COX6C: variants seen among roughly 807,000 people sequenced by gnomAD.
COX6C encodes cytochrome c oxidase polypeptide VIc.
COX6C carries 3 observed loss-of-function variants against 6.9 expected under a neutral mutation model. The ratio of observed to expected loss-of-function variants is 0.43; its 90% CI spans 0.20 to 1.12. COX6C has a LOEUF of 1.12. Among genes scored for constraint, COX6C ranks in the 50% most tolerant of loss-of-function variants. COX6C has a pLI of 0.27. For synonymous variants in COX6C, 32 were observed against 32.0 expected (o/e 1.00, Z 0.00); for missense variants, 101 against 97.3 (o/e 1.04, Z -0.16).
chr8:99,881,916 T>TA (rs1433387292), intron 3 of COX6C, among the ~76,000 whole-genome samples: 3 of 152,166 alleles, frequency 2.0e-5, no homozygotes, highest in Admixed American at 2.0e-4. Flanking sequence ...GTCCCACACA[T>TA]ACAGCAACCA....
chr8:99,890,515 C>T (rs184743238), intron 2 of COX6C, among the ~76,000 whole-genome samples: 3 of 152,332 alleles, frequency 2.0e-5, no homozygotes, highest in Non-Finnish European at 2.9e-5. Flanking sequence ...ATTTTATACA[C>T]TGCCTCTTAT....
chr8:99,890,191 G>A (rs1402554110), intron 2 of COX6C, among the ~76,000 whole-genome samples: 4 of 152,052 alleles, frequency 2.6e-5, no homozygotes, highest in Non-Finnish European at 4.4e-5. Flanking sequence ...TTGAACTCGT[G>A]AGCTCAAGCA....
At chr8:99,889,529 G>A (rs1033878727) in intron 2 of COX6C, among the ~76,000 whole-genome samples, 4 of 151,888 alleles carry the variant, frequency 2.6e-5, no homozygotes, top group Admixed American at 6.6e-5. Context: ...GGGATTACAG[G>A]TGCCCGACAC....
At chr8:99,879,742 G>C (rs1817829442) in intron 3 of COX6C, among the ~76,000 whole-genome samples, 1 of 152,156 alleles carries the variant, frequency 6.6e-6, no homozygotes, top group South Asian at 2.1e-4. Flanking sequence ...ATAAGGTAAA[G>C]AATGAAACTG....
At chr8:99,889,289 C>T (rs1434461974) in intron 2 of COX6C, among the ~76,000 whole-genome samples, 1 of 149,610 alleles carries the variant, frequency 6.7e-6, no homozygotes, top group Non-Finnish European at 1.5e-5. Context: ...TCTCCCAGTT[C>T]TCCCTAACTT....
chr8:99,880,718 T>C (rs181039266), intron 3 of COX6C, among the ~76,000 whole-genome samples: 10 of 151,534 alleles, frequency 6.6e-5, no homozygotes, highest in African/African-American at 2.4e-4. Context: ...TTAAATTAAA[T>C]TTTAAAAGTC....
chr8:99,885,543 A>G (rs1241789950), intron 3 of COX6C, among the ~76,000 whole-genome samples: 4 of 152,234 alleles, frequency 2.6e-5, no homozygotes, highest in African/African-American at 9.7e-5. Flanking sequence ...CAAGGTACCA[A>G]GACCACTCCA....
chr8:99,893,133 T>G (rs1818081646), intron 1 of COX6C: 2 of 152,254 alleles, frequency 1.3e-5, no homozygotes, highest in Admixed American at 1.3e-4. Context: ...CTTCCCCTCC[T>G]GCGGCAGGTA....
chr8:99,881,685 G>C (rs149097802), intron 3 of COX6C, among the ~76,000 whole-genome samples: 1 of 152,240 alleles, frequency 6.6e-6, no homozygotes, highest in African/African-American at 2.4e-5. Context: ...AAAGAGTGAG[G>C]AAAGAAATGA....
rs549144959 is a variant in COX6C, at chr8:99,883,307, G to A, written c.*15+4183C>T. On this transcript the variant is annotated intron_variant, in intron 3 of 3. Transcript: ENST00000520468. ...ATAGCTTATGCAGCCTTAAACTCCT[G>A]TGCTCAAGTGAACCTCCTGCCTCAG... 1.7e-3 allele frequency among the ~76,000 whole-genome samples: 258 copies of A among 152,036 alleles called. 1 individual carries two copies. The highest frequency in any genetic ancestry group is 5.5e-3 in the Admixed American group (84 of 15,250).
chr8:99,879,592 G>A (rs1563525941), intron 3 of COX6C, among the ~76,000 whole-genome samples: 1 of 152,156 alleles, frequency 6.6e-6, no homozygotes, highest in African/African-American at 2.4e-5. Context: ...CAGTTGAGCA[G>A]CAACCAAAGG....
intron 3 of COX6C, among the ~76,000 whole-genome samples, chr8:99,886,875 G>A (rs1050276424): frequency 2.0e-5 from 3 of 152,120 alleles, no homozygotes; most frequent in Non-Finnish European, 4.4e-5. Flanking sequence ...ATGGATATAG[G>A]GTTTCAATTC....
intron 3 of COX6C, among the ~76,000 whole-genome samples, chr8:99,880,921 G>A (rs1485980565): frequency 6.6e-6 from 1 of 152,070 alleles, no homozygotes; most frequent in Non-Finnish European, 1.5e-5. Context: ...AGATAAAAAA[G>A]TCAAAGGAGT....
intron 1 of COX6C, among the ~76,000 whole-genome samples, chr8:99,892,731 C>T (rs191329838): frequency 6.4e-4 from 97 of 151,664 alleles, no homozygotes; most frequent in African/African-American, 2.3e-3. Context: ...CGACAAACTG[C>T]GGCACACTAG....
chr8:99,892,424 G>T (rs113450604), intron 1 of COX6C, among the ~76,000 whole-genome samples: 5,369 of 152,176 alleles, frequency 0.035, 113 homozygotes, highest in Non-Finnish European at 0.041. Context: ...ATAAGATTTG[G>T]GTTGAGACAT....
rs188695505 is a variant in COX6C, at chr8:99,881,696, G to A, written c.*16-3431C>T. Among the ~76,000 whole-genome samples, 258 of 152,270 alleles carry A rather than the reference G, an allele frequency of 1.7e-3. 2 individuals are homozygous for A. The highest frequency in any genetic ancestry group is 2.2e-3 in the Non-Finnish European group (149 of 68,004). On this transcript the variant is annotated intron_variant, in intron 3 of 3. Coordinates refer to ENST00000520468, the MANE Select transcript of COX6C (RefSeq NM_004374.4). ...AATAAAAGAGTGAGGAAAGAAATGAGGGACAAAGAAGCTGTAAGACACATA... is the reference window on the plus strand; with the variant it reads ...AATAAAAGAGTGAGGAAAGAAATGAAGGACAAAGAAGCTGTAAGACACATA...
In COX6C at chr8:99,887,638, TAG is replaced by T. The variant is rs754839083; in HGVS notation, c.115-22_115-21del. 4 of 1,508,130 alleles carry T rather than the reference TAG, an allele frequency of 2.7e-6. No individual in the cohort carries two copies. The highest frequency in any genetic ancestry group is 1.4e-5 in the African/African-American group (1 of 70,300). The allele number at this position is 1,508,130 out of a possible 1,614,324, so 93.4% of individuals were successfully genotyped here. A position where few individuals can be genotyped will look rare whatever the true frequency, so the allele number is the denominator to read the frequency against. ...ACGAAACTAAAAAGCAACCATCCAT[TAG>T]AGTTTATTTTTCAGATTACTGGAAA... On this transcript the variant is annotated intron_variant, in intron 2 of 3. Coordinates refer to ENST00000520468, the MANE Select transcript of COX6C (RefSeq NM_004374.4).
intron 3 of COX6C, among the ~76,000 whole-genome samples, chr8:99,880,363 A>T (rs948340673): frequency 2.0e-5 from 3 of 152,260 alleles, no homozygotes; most frequent in African/African-American, 7.2e-5. Context: ...GCTAAAGGAG[A>T]GTGTGGACAA....
intron 2 of COX6C, among the ~76,000 whole-genome samples, chr8:99,888,126 A>AAAAAAAT (rs1290653704): frequency 6.6e-6 from 1 of 150,886 alleles, no homozygotes; most frequent in Non-Finnish European, 1.5e-5. Flanking sequence ...AAAAAATAAA[A>AAAAAAAT]AAAAAATAAA....
Sources: allele counts gnomAD v4.1 joint callset (sites outside exome capture counted in the v4.1 genomes callset), GRCh38; gene constraint gnomAD v4.1.1; transcripts MANE v1.5; gene names NCBI Gene and HGNC (gene_info 2026-07-23, HGNC 2026-07-21).